The following NPAS3 variants were observed in gnomAD, a reference collection of about 807,000 sequenced individuals.
NPAS3 encodes the protein neuronal PAS domain-containing protein 3.
A neutral mutation model predicts 73.1 loss-of-function variants in NPAS3; 14 were observed. The ratio of observed to expected loss-of-function variants is 0.19; its 90% CI spans 0.13 to 0.30. The LOEUF is 0.30. Among genes scored for constraint, NPAS3 ranks in the 10% least tolerant of loss-of-function variants. NPAS3 has a pLI of 1.00. For synonymous variants in NPAS3, 620 were observed against 541.5 expected (o/e 1.14, Z -2.01); for missense variants, 1,096 against 1,250.0 (o/e 0.88, Z 1.86).
At chr14:33,263,665 T>C (rs2049059575) in intron 3 of NPAS3, among the ~76,000 whole-genome samples, 1 of 152,146 alleles carries the variant, frequency 6.6e-6, no homozygotes. Context: ...AAGAAAGTCA[T>C]TGGTAGCTTG....
chr14:33,485,046 G>A (rs531278941), intron 4 of NPAS3, among the ~76,000 whole-genome samples: 5 of 152,228 alleles, frequency 3.3e-5, no homozygotes, highest in African/African-American at 9.6e-5. Flanking sequence ...CATGGACAGG[G>A]CCAGTAAATA....
intron 3 of NPAS3, among the ~76,000 whole-genome samples, chr14:33,359,728 A>C (rs1273850534): frequency 1.3e-5 from 2 of 152,168 alleles, no homozygotes; most frequent in Non-Finnish European, 2.9e-5. Flanking sequence ...TCAAGTATTA[A>C]ACTTTGCAAA....
At chr14:33,728,544 G>C (rs2061328574) in intron 6 of NPAS3, among the ~76,000 whole-genome samples, 1 of 152,166 alleles carries the variant, frequency 6.6e-6, no homozygotes, top group African/African-American at 2.4e-5. Context: ...CTGAGCCAAA[G>C]TATAGTGGCT....
chr14:33,702,404 A>G (rs948981716), intron 6 of NPAS3, among the ~76,000 whole-genome samples: 20 of 152,242 alleles, frequency 1.3e-4, no homozygotes, highest in Admixed American at 1.3e-3. Flanking sequence ...AACCAATTTC[A>G]GTGCAGATGC....
intron 5 of NPAS3, among the ~76,000 whole-genome samples, chr14:33,586,926 A>C (rs1049847787): frequency 6.6e-6 from 1 of 152,184 alleles, no homozygotes; most frequent in Non-Finnish European, 1.5e-5. Context: ...TTGGGGGAGC[A>C]CTGAGATGCA....
intron 5 of NPAS3, among the ~76,000 whole-genome samples, chr14:33,615,536 G>A (rs1383115048): frequency 6.6e-6 from 1 of 152,120 alleles, no homozygotes; most frequent in East Asian, 1.9e-4. Flanking sequence ...TGTCAATCCT[G>A]GTGACTGTGA....
intron 3 of NPAS3, among the ~76,000 whole-genome samples, chr14:33,350,760 G>C (rs1369987502): frequency 2.6e-5 from 4 of 152,178 alleles, no homozygotes. Context: ...TAAAATTTCA[G>C]ATTGACTAAT....
intron 5 of NPAS3, among the ~76,000 whole-genome samples, chr14:33,673,410 G>T (rs1039180272): frequency 1.3e-5 from 2 of 152,150 alleles, no homozygotes; most frequent in African/African-American, 4.8e-5. Context: ...GCACATAGTG[G>T]ATAACTGCCA....
intron 4 of NPAS3, among the ~76,000 whole-genome samples, chr14:33,536,425 G>A (rs1453909602): frequency 1.3e-5 from 2 of 152,178 alleles, no homozygotes. Context: ...ACTGTGCAGA[G>A]TGCTAGATTG....
At chr14:33,028,899 G>A (rs1358506131) in intron 1 of NPAS3, among the ~76,000 whole-genome samples, 1 of 152,128 alleles carries the variant, frequency 6.6e-6, no homozygotes, top group African/African-American at 2.4e-5. Flanking sequence ...AGTGTATCAT[G>A]GTAGTTTGCT....
chr14:33,094,968 A>C (rs2138841802), intron 2 of NPAS3, among the ~76,000 whole-genome samples: 1 of 152,330 alleles, frequency 6.6e-6, no homozygotes, highest in South Asian at 2.1e-4. Context: ...TGGTTCTGCA[A>C]ACTTAGAATT....
Position 33,743,718 on chromosome 14 carries a change from T to G in NPAS3, c.852+8386T>G, listed in dbSNP as rs77412476. Among the ~76,000 whole-genome samples the G allele has an allele frequency of 1.0e-3, 152 of 152,372 alleles. 2 individuals are homozygous for G. In the East Asian group the frequency reaches 0.025, roughly 25 times the overall value. On this transcript the variant is annotated intron_variant, in intron 7 of 11. Coordinates refer to ENST00000356141, the Ensembl canonical transcript of NPAS3. ...ATCTTCTTCCAACAGAAGGCTGTTT[T>G]GTATCCATTAACAATCTGTTGTTTA... is the stretch of plus-strand genomic sequence containing the variant.
upstream of NPAS3, among the ~76,000 whole-genome samples, chr14:32,938,294 C>G (rs993892028): frequency 1.3e-5 from 2 of 152,018 alleles, no homozygotes; most frequent in African/African-American, 4.8e-5. Flanking sequence ...AAGGAGCTCC[C>G]GGGACTGTGT....
At chr14:33,453,169 T>G (rs534638462) in intron 4 of NPAS3, among the ~76,000 whole-genome samples, 1 of 152,218 alleles carries the variant, frequency 6.6e-6, no homozygotes, top group Non-Finnish European at 1.5e-5. Flanking sequence ...CTCAGTGAGG[T>G]GAAGAGTGCT....
intron 3 of NPAS3, among the ~76,000 whole-genome samples, chr14:33,254,626 C>T (rs980023009): frequency 6.6e-6 from 1 of 152,144 alleles, no homozygotes; most frequent in African/African-American, 2.4e-5. Context: ...TCAGGAGAAT[C>T]ACTCTTTGAG....
intron 7 of NPAS3, among the ~76,000 whole-genome samples, chr14:33,751,967 A>G (rs2061976543): frequency 6.6e-6 from 1 of 152,222 alleles, no homozygotes; most frequent in South Asian, 2.1e-4. Context: ...TAAAAAAATC[A>G]AATACAGTAT....
At chr14:33,676,110 G>GTAT in intron 5 of NPAS3, 101 bp from the exon 6 acceptor site, 1 of 1,145,536 alleles carries the variant, frequency 8.7e-7, no homozygotes. Flanking sequence ...GGACCTGAAT[G>GTAT]TATTTTCTTT....
At chr14:33,726,507 A>G (rs961626678) in intron 6 of NPAS3, among the ~76,000 whole-genome samples, 8 of 152,168 alleles carry the variant, frequency 5.3e-5, no homozygotes, top group African/African-American at 1.9e-4. Flanking sequence ...TCCTTCACCC[A>G]GACGTCCATG....
chr14:33,428,913 G>T (rs967229750), intron 4 of NPAS3, among the ~76,000 whole-genome samples: 2 of 152,078 alleles, frequency 1.3e-5, no homozygotes, highest in South Asian at 2.1e-4. Context: ...TAGATCCATA[G>T]ATCGCCTTTT....
Sources: allele counts gnomAD v4.1 joint callset (sites outside exome capture counted in the v4.1 genomes callset), GRCh38; gene constraint gnomAD v4.1.1; transcripts MANE v1.5; gene names NCBI Gene and HGNC (gene_info 2026-07-23, HGNC 2026-07-21).